Variants in MECOM observed in about 807,000 individuals in gnomAD.
The protein encoded by MECOM is MDS1 and EVI1 complex locus.
A neutral mutation model predicts 116.3 loss-of-function variants in MECOM; 13 were observed. The observed-to-expected ratio is 0.11, with a 90% CI of 0.07 to 0.18. MECOM has a LOEUF of 0.18. MECOM is among the 10% of genes least tolerant of loss of function. The pLI is 1.00. For missense variants in MECOM, 1,299 were observed against 1,509.0 expected (o/e 0.86, Z 2.31); for synonymous variants, 528 against 535.2 (o/e 0.99, Z 0.19).
intron 1 of MECOM, among the ~76,000 whole-genome samples, chr3:169,394,491 TAATC>T (rs377763222): frequency 1.2e-4 from 18 of 152,322 alleles, no homozygotes; most frequent in African/African-American, 4.1e-4. Flanking sequence ...TGAAGGCAGA[TAATC>T]AAGAGGATTG....
In MECOM at chr3:169,112,793, G is replaced by T. The variant is rs371991943; in HGVS notation, c.2571C>A (p.His857Gln). The T allele has an allele frequency of 7.4e-5, 119 of 1,611,788 alleles. No individual in the cohort carries two copies. The East Asian group carries it at 1.2e-3, about 17-fold the overall frequency. ...YLRPSPGFLF[H>Q]PQFQLPDQRT... ...TCAAATCCAAAATACTTACTTGTGG[G>T]TGAAACAAGAATCCTGGAGAAGGCC... Residue 857 changes from histidine (H) to glutamine (Q), a missense_variant, in exon 9 of 17, where the codon CAC becomes CAA. Physicochemically the swap from His to Gln is conservative, Grantham distance 24 (BLOSUM62 0). This residue lies in a region of MECOM where 340 missense variants were observed against 312.6 expected (regional missense o/e 1.09). Coordinates refer to ENST00000651503, the MANE Select transcript of MECOM (RefSeq NM_004991.4).
intron 2 of MECOM, among the ~76,000 whole-genome samples, chr3:169,263,520 G>GCACA (rs3077288): frequency 0.067 from 9,818 of 146,420 alleles, 576 homozygotes; most frequent in African/African-American, 0.17. Flanking sequence ...CAGAGCACTT[G>GCACA]CACACACACA....
At chr3:169,113,079 A>C (rs1454134328) in intron 8 of MECOM, among the ~76,000 whole-genome samples, 1 of 152,130 alleles carries the variant, frequency 6.6e-6, no homozygotes, top group South Asian at 2.1e-4. Context: ...CCTATTTATA[A>C]TGGAAAAACC....
intron 1 of MECOM, among the ~76,000 whole-genome samples, chr3:169,420,660 A>G (rs577394365): frequency 3.9e-5 from 6 of 152,180 alleles, no homozygotes; most frequent in African/African-American, 1.4e-4. Flanking sequence ...TCAACTATGA[A>G]TCATTTTCAA....
At chr3:169,385,515 G>A (rs552738154) in intron 1 of MECOM, among the ~76,000 whole-genome samples, 30 of 151,970 alleles carry the variant, frequency 2.0e-4, no homozygotes, top group South Asian at 4.2e-4. Flanking sequence ...TGACAAAAGC[G>A]AAAATATTAA....
chr3:169,141,115 C>T (rs997536419), intron 3 of MECOM, among the ~76,000 whole-genome samples: 1 of 152,024 alleles, frequency 6.6e-6, no homozygotes, highest in African/African-American at 2.4e-5. Context: ...AATTTATACA[C>T]TCTTGTTTTG....
At chr3:169,420,968 A>G (rs935035427) in intron 1 of MECOM, among the ~76,000 whole-genome samples, 1 of 152,128 alleles carries the variant, frequency 6.6e-6, no homozygotes, top group Non-Finnish European at 1.5e-5. Context: ...GGACCCTAAC[A>G]TTCCATAGAA....
rs764721672 is a variant in MECOM at position 169,611,222 on chromosome 3, A to G, written c.37+52114T>C. Among the ~76,000 whole-genome samples, 11 of 152,226 alleles carry G rather than the reference A, an allele frequency of 7.2e-5. No individual in the cohort carries two copies. The highest frequency in any genetic ancestry group is 1.2e-4 in the Non-Finnish European group (8 of 68,042). Reference sequence around the variant, plus strand: ...TTGGGAAACTGCCTCTATGATAGGCATTTGCAAATTCACCAAGAGTGACAG... The same window carrying G: ...TTGGGAAACTGCCTCTATGATAGGCGTTTGCAAATTCACCAAGAGTGACAG... On this transcript the variant is annotated intron_variant, in intron 1 of 16. Coordinates refer to ENST00000651503, the MANE Select transcript of MECOM (RefSeq NM_004991.4). The surrounding 1 kb of genome is among the most constrained non-coding windows in gnomAD (Gnocchi z 4.1).
chr3:169,457,070 T>A (rs1746645913), intron 1 of MECOM, among the ~76,000 whole-genome samples: 1 of 152,056 alleles, frequency 6.6e-6, no homozygotes, highest in Non-Finnish European at 1.5e-5. Flanking sequence ...TGCCATCCAA[T>A]CCCTCCAACC....
intron 13 of MECOM, among the ~76,000 whole-genome samples, chr3:169,093,514 A>AT (rs1170789452): frequency 2.0e-5 from 3 of 152,118 alleles, no homozygotes; most frequent in African/African-American, 7.2e-5. Flanking sequence ...TTATTTATTT[A>AT]TTTTTTGGCT....
At chr3:169,529,574 A>G (rs1291071035) in intron 1 of MECOM, among the ~76,000 whole-genome samples, 2 of 152,200 alleles carry the variant, frequency 1.3e-5, no homozygotes, top group Non-Finnish European at 2.9e-5. Flanking sequence ...GCATTTCAAA[A>G]TTGGTTAGTA....
intron 1 of MECOM, among the ~76,000 whole-genome samples, chr3:169,633,772 G>A (rs1371028230): frequency 1.3e-5 from 2 of 152,056 alleles, no homozygotes; most frequent in Non-Finnish European, 2.9e-5. Flanking sequence ...GAGAGGCTAA[G>A]GTTGGGGGTC....
intron 10 of MECOM, among the ~76,000 whole-genome samples, chr3:169,106,770 G>A (rs181897185): frequency 4.5e-4 from 68 of 152,194 alleles, no homozygotes; most frequent in East Asian, 3.1e-3. Context: ...GATGAGGACC[G>A]TGAGGCACAA....
intron 3 of MECOM, among the ~76,000 whole-genome samples, chr3:169,132,747 T>C (rs1243003379): frequency 7.2e-6 from 1 of 138,310 alleles, no homozygotes; most frequent in Non-Finnish European, 1.6e-5. Context: ...CAATCTCTTT[T>C]TTCTTTTCTT....
At chr3:169,100,477 G>A (rs1381770177) in intron 12 of MECOM, among the ~76,000 whole-genome samples, 2 of 152,024 alleles carry the variant, frequency 1.3e-5, no homozygotes, top group Non-Finnish European at 2.9e-5. Flanking sequence ...AGTACATATG[G>A]GTTATTAACT....
At chr3:169,147,232 G>A (rs1466281602) in intron 2 of MECOM, 2 of 985,494 alleles carry the variant, frequency 2.0e-6, no homozygotes, top group Non-Finnish European at 2.4e-6. Flanking sequence ...GCAGGAGGAG[G>A]AGAGTTTGAA....
At chr3:169,275,041 A>G (rs1577552475) in intron 2 of MECOM, among the ~76,000 whole-genome samples, 1 of 152,254 alleles carries the variant, frequency 6.6e-6, no homozygotes, top group African/African-American at 2.4e-5. Context: ...AGGTAGGGCA[A>G]TAACTAGGCT....
At chr3:169,220,855 G>C (rs1752047522) in intron 2 of MECOM, among the ~76,000 whole-genome samples, 1 of 152,142 alleles carries the variant, frequency 6.6e-6, no homozygotes, top group Non-Finnish European at 1.5e-5. Flanking sequence ...AGGAATTTTT[G>C]TCTGTCTTGT....
Position 169,116,119 on chromosome 3 carries a change from C to T in MECOM, c.1753G>A (p.Val585Ile), listed in dbSNP as rs764352523. The change falls in exon 8 of 17, where the codon GTC (valine) becomes ATC (isoleucine). Residue 585 changes from valine to isoleucine, a missense_variant. This residue lies in a region of MECOM where 238 missense variants were observed against 273.1 expected (regional missense o/e 0.87). Transcript: ENST00000651503. ...AGGTCACTGCCACTTGGTGTACTGA[C>T]ATCATCAAGGTCACTACTCTCTGAC... ...DQSESSDLDD[V>I]STPSGSDLET... 2.5e-6 allele frequency: 4 copies of T among 1,614,186 alleles called. No homozygotes were observed. The South Asian group carries it at 3.3e-5, about 13-fold the overall frequency.
Sources: gnomAD v4.1 joint callset for allele counts (sites outside exome capture counted in the v4.1 genomes callset) on GRCh38, gnomAD v4.1.1 for gene constraint, gnomAD v4.1.1 regional missense constraint, Gnocchi (gnomAD v3.1) non-coding constraint, MANE v1.5 for transcripts, NCBI Gene and HGNC (gene_info 2026-07-23, HGNC 2026-07-21) for gene names.